The following CCDC170 variants were observed in gnomAD, a reference collection of about 807,000 sequenced individuals.
CCDC170 encodes coiled-coil domain containing 170, also known as coiled-coil domain-containing protein 170.
A neutral mutation model predicts 72.6 loss-of-function variants in CCDC170; 69 were observed. That is an observed-to-expected ratio of 0.95 (90% CI 0.78 to 1.16). The LOEUF (loss-of-function observed/expected upper bound fraction) is 1.16. Among genes scored for constraint, CCDC170 ranks in the 50% most tolerant of loss-of-function variants. CCDC170 has a pLI of 0.00. For missense variants in CCDC170, 852 were observed against 832.5 expected (o/e 1.02, Z -0.29); for synonymous variants, 300 against 303.9 (o/e 0.99, Z 0.13).
chr6:151,533,273 C>T (rs993691907), intron 1 of CCDC170, among the ~76,000 whole-genome samples: 12 of 151,554 alleles, frequency 7.9e-5, no homozygotes, highest in East Asian at 6.0e-4. Context: ...CCAGGATGGT[C>T]TCGATCTCCT....
Position 151,618,070 on chromosome 6 carries a change from G to T in CCDC170, c.2071G>T (p.Val691Phe). The T allele has an allele frequency of 2.5e-6, 4 of 1,614,108 alleles. No individual in the cohort carries two copies. The highest frequency in any genetic ancestry group is 2.5e-6 in the Non-Finnish European group (3 of 1,180,022). ...RLVHSHQHHF[V>F]TCACLKDVTT... ...GGTCCATTCACATCAGCATCACTTTGTTACCTGTGCCTGCCTCAAAGATGT... is the reference window on the plus strand; with the variant it reads ...GGTCCATTCACATCAGCATCACTTTTTTACCTGTGCCTGCCTCAAAGATGT... The change falls in exon 11 of 11, where the codon GTT becomes TTT. Residue 691 changes from valine (V) to phenylalanine (F), a missense_variant. Physicochemically the swap from Val to Phe is conservative, Grantham distance 50 (BLOSUM62 -1). Coordinates refer to ENST00000239374, the MANE Select transcript of CCDC170 (RefSeq NM_025059.4).
At chr6:151,519,534 G>A (rs948216355) in intron 1 of CCDC170, among the ~76,000 whole-genome samples, 1 of 152,180 alleles carries the variant, frequency 6.6e-6, no homozygotes, top group East Asian at 1.9e-4. Flanking sequence ...CTCAGCTTAC[G>A]AAGTTAAGAG....
At chr6:151,595,714 G>A (rs1455893563) in intron 8 of CCDC170, among the ~76,000 whole-genome samples, 3 of 152,202 alleles carry the variant, frequency 2.0e-5, no homozygotes, top group Non-Finnish European at 2.9e-5. Flanking sequence ...CTACTTGGGC[G>A]GCTGAGAGGT....
At chr6:151,507,579 C>T (rs1356650328) in intron 1 of CCDC170, among the ~76,000 whole-genome samples, 3 of 152,138 alleles carry the variant, frequency 2.0e-5, no homozygotes, top group Non-Finnish European at 4.4e-5. Flanking sequence ...AGTTATAAGG[C>T]AGCCCTGTAG....
At chr6:151,545,157 C>A (rs1314241717) in intron 4 of CCDC170, among the ~76,000 whole-genome samples, 3 of 152,152 alleles carry the variant, frequency 2.0e-5, no homozygotes, top group Admixed American at 1.3e-4. Context: ...CGGTGACTCA[C>A]GCCTGTAATC....
intron 5 of CCDC170, among the ~76,000 whole-genome samples, chr6:151,567,888 G>A (rs981985536): frequency 2.0e-5 from 3 of 151,778 alleles, no homozygotes; most frequent in East Asian, 3.9e-4. Context: ...GCAGGCAGGC[G>A]GGTCACAAGG....
chr6:151,585,739 G>C, intron 6 of CCDC170, 150 bp from the exon 7 acceptor site: 1 of 617,174 alleles, frequency 1.6e-6, no homozygotes, highest in South Asian at 2.9e-5. Flanking sequence ...GGCAAATACA[G>C]CTATCAATTA....
chr6:151,581,349 T>C (rs1776376928), intron 6 of CCDC170, among the ~76,000 whole-genome samples: 1 of 152,232 alleles, frequency 6.6e-6, no homozygotes, highest in Non-Finnish European at 1.5e-5. Flanking sequence ...TGTTCAAGCA[T>C]CTTCACTAGG....
At chr6:151,561,796 C>G (rs939051124) in intron 5 of CCDC170, among the ~76,000 whole-genome samples, 1 of 152,044 alleles carries the variant, frequency 6.6e-6, no homozygotes, top group African/African-American at 2.4e-5. Flanking sequence ...ATTTTTCCCT[C>G]AAATCTGTTT....
intron 7 of CCDC170, among the ~76,000 whole-genome samples, chr6:151,587,063 T>A (rs940431830): frequency 6.6e-6 from 1 of 152,020 alleles, no homozygotes; most frequent in African/African-American, 2.4e-5. Flanking sequence ...GGATTACAGG[T>A]GTGAGCCACC....
intron 8 of CCDC170, among the ~76,000 whole-genome samples, chr6:151,594,975 G>A (rs937324831): frequency 6.6e-6 from 1 of 152,178 alleles, no homozygotes. Context: ...ACATGAAGAA[G>A]CTTAAGAAAG....
chr6:151,529,373 G>T (rs1055150071), intron 1 of CCDC170, among the ~76,000 whole-genome samples: 8 of 152,006 alleles, frequency 5.3e-5, no homozygotes, highest in African/African-American at 1.5e-4. Flanking sequence ...ACTAATAATT[G>T]TATTCCTGGG....
chr6:151,611,104 C>T (rs1179000531), intron 9 of CCDC170, among the ~76,000 whole-genome samples: 4 of 151,980 alleles, frequency 2.6e-5, no homozygotes, highest in African/African-American at 4.8e-5. Flanking sequence ...GGTGAAACCC[C>T]GTCTCTACTA....
At chr6:151,569,480 AT>A (rs1776188251) in intron 5 of CCDC170, among the ~76,000 whole-genome samples, 2 of 152,208 alleles carry the variant, frequency 1.3e-5, no homozygotes, top group Non-Finnish European at 2.9e-5. Context: ...TTTTTAAGTG[AT>A]CCCCATCACA....
chr6:151,593,400 A>T, intron 8 of CCDC170, 120 bp downstream of exon 8: 1 of 1,047,954 alleles, frequency 9.5e-7, no homozygotes, highest in East Asian at 2.6e-5. Flanking sequence ...TTATAAAAAT[A>T]TGTATTTAGA....
At chr6:151,497,609 C>A (rs778380851) in intron 1 of CCDC170, among the ~76,000 whole-genome samples, 7 of 152,000 alleles carry the variant, frequency 4.6e-5, no homozygotes, top group Non-Finnish European at 8.8e-5. Context: ...AAGAGATATG[C>A]TTTGGGGGAA....
At chr6:151,615,396 C>T (rs768458684) in intron 9 of CCDC170, 47 bp from the exon 10 acceptor site, 1 of 1,312,922 alleles carries the variant, frequency 7.6e-7, no homozygotes, top group South Asian at 1.2e-5. Context: ...ATACAGTTTT[C>T]CTAACTAAAT....
Position 151,522,381 on chromosome 6 carries a change from C to G in CCDC170, c.58-13937C>G, listed in dbSNP as rs558522305. 2.6e-5 allele frequency among the ~76,000 whole-genome samples: 4 copies of G among 152,202 alleles called. No individual in the cohort carries two copies. The South Asian group carries it at 8.3e-4, about 32-fold the overall frequency. On this transcript the variant is annotated intron_variant, in intron 1 of 10. Coordinates refer to ENST00000239374, the MANE Select transcript of CCDC170 (RefSeq NM_025059.4). ...ATATGTAGTATGTTCAATTCTTTGA[C>G]TTCTACTTTTAAACTTAACTTCCTT...
At chr6:151,568,076 C>G (rs1776164296) in intron 5 of CCDC170, among the ~76,000 whole-genome samples, 2 of 134,790 alleles carry the variant, frequency 1.5e-5, no homozygotes, top group Non-Finnish European at 3.1e-5. Context: ...TGCCACTGCA[C>G]TCCAGCCTGG....
Sources: allele counts gnomAD v4.1 joint callset (sites outside exome capture counted in the v4.1 genomes callset), GRCh38; gene constraint gnomAD v4.1.1; transcripts MANE v1.5; gene names NCBI Gene and HGNC (gene_info 2026-07-23, HGNC 2026-07-21).